Variants in REV3L observed in about 807,000 individuals in gnomAD.
The protein encoded by REV3L is DNA polymerase zeta catalytic subunit.
A neutral mutation model predicts 299.4 loss-of-function variants in REV3L; 69 were observed. That is an observed-to-expected ratio of 0.23 (90% CI 0.19 to 0.28). REV3L has a LOEUF of 0.28. Ranked by LOEUF, REV3L falls within the 10% of genes least tolerant of loss-of-function variation. REV3L has a pLI of 1.00. For missense variants in REV3L, 3,128 were observed against 3,693.8 expected, an observed-to-expected ratio of 0.85 and a Z score of 3.97; for synonymous variants, 1,238 against 1,271.4, an observed-to-expected ratio of 0.97 and a Z score of 0.56.
At chr6:111,437,839 T>C (rs1787761254) in intron 1 of REV3L, among the ~76,000 whole-genome samples, 1 of 152,008 alleles carries the variant, frequency 6.6e-6, no homozygotes, top group Non-Finnish European at 1.5e-5. Context: ...GTATGTGAAC[T>C]ACATCTCAAT....
intron 1 of REV3L, among the ~76,000 whole-genome samples, chr6:111,453,633 TTA>T (rs1789810708): frequency 6.6e-6 from 1 of 152,204 alleles, no homozygotes; most frequent in African/African-American, 2.4e-5. Context: ...GTTATTAATT[TTA>T]GTTAATATTT....
At chr6:111,409,476 G>C (rs551329542) in intron 3 of REV3L, among the ~76,000 whole-genome samples, 1 of 151,916 alleles carries the variant, frequency 6.6e-6, no homozygotes, top group African/African-American at 2.4e-5. Context: ...AATGAAAACA[G>C]TGCAAAAGGA....
chr6:111,338,530 A>T (rs1210111096), intron 21 of REV3L, among the ~76,000 whole-genome samples: 1 of 151,022 alleles, frequency 6.6e-6, no homozygotes, highest in Non-Finnish European at 1.5e-5. Context: ...TATATAATAT[A>T]GTTAATATAC....
At chr6:111,422,649 C>CACATATATATATATATACGT (rs1554228646) in intron 1 of REV3L, among the ~76,000 whole-genome samples, 3 of 22,502 alleles carry the variant, frequency 1.3e-4, no homozygotes, top group Admixed American at 6.2e-4. Context: ...TATATATATA[C>CACATATATATATATATACGT]ATATATATAT....
chr6:111,318,470 C>A (rs1002053722), intron 26 of REV3L, among the ~76,000 whole-genome samples: 3 of 152,110 alleles, frequency 2.0e-5, no homozygotes, highest in African/African-American at 7.2e-5. Flanking sequence ...AGTGGAATCA[C>A]TGGGTCATAT....
intron 1 of REV3L, among the ~76,000 whole-genome samples, chr6:111,461,464 T>C (rs1297908817): frequency 6.6e-6 from 1 of 152,068 alleles, no homozygotes; most frequent in Non-Finnish European, 1.5e-5. Context: ...AAGTAAAAGT[T>C]ACAGTAAGGT....
At chr6:111,434,550 CG>C (rs1787325864) in intron 1 of REV3L, among the ~76,000 whole-genome samples, 1 of 150,084 alleles carries the variant, frequency 6.7e-6, no homozygotes, top group Admixed American at 6.6e-5. Flanking sequence ...ACCCGGGAAG[CG>C]GAGCTTGCAG....
intron 24 of REV3L, 47 bp from the exon 25 acceptor site, chr6:111,329,785 T>C: frequency 7.2e-7 from 1 of 1,384,906 alleles, no homozygotes; most frequent in South Asian, 1.2e-5. Context: ...ACATTATAGA[T>C]TTACATAATT....
chr6:111,332,743 ATTT>A (rs1775524350), intron 23 of REV3L, among the ~76,000 whole-genome samples: 1 of 152,248 alleles, frequency 6.6e-6, no homozygotes, highest in Non-Finnish European at 1.5e-5. Context: ...ATCCTGGACT[ATTT>A]ATAAGAAAAA....
intron 31 of REV3L, among the ~76,000 whole-genome samples, chr6:111,306,441 A>G (rs1772311468): frequency 6.6e-6 from 1 of 152,178 alleles, no homozygotes. Context: ...ATGACTTATC[A>G]ACAATAAGGA....
chr6:111,305,909 T>G (rs1191982799), intron 31 of REV3L, among the ~76,000 whole-genome samples: 3 of 152,234 alleles, frequency 2.0e-5, no homozygotes, highest in Non-Finnish European at 4.4e-5. Flanking sequence ...GTGGTTGTAC[T>G]GACTAGAACC....
At chr6:111,413,368 G>T (rs1177420131) in intron 2 of REV3L, among the ~76,000 whole-genome samples, 2 of 152,066 alleles carry the variant, frequency 1.3e-5, no homozygotes, top group Non-Finnish European at 2.9e-5. Flanking sequence ...AGTTTTTTAA[G>T]TATATCAATA....
At chr6:111,388,184 T>G in intron 7 of REV3L, 99 bp from the exon 8 acceptor site, 1 of 747,298 alleles carries the variant, frequency 1.3e-6, no homozygotes, top group South Asian at 1.7e-5. Context: ...CAATTTCCTA[T>G]CTTTCTCTAG....
At chr6:111,320,393 T>TTACCTATTATCCCAAGAGCAGTGTTTCTC (rs1774020749) in intron 26 of REV3L, among the ~76,000 whole-genome samples, 1 of 152,156 alleles carries the variant, frequency 6.6e-6, no homozygotes, top group Non-Finnish European at 1.5e-5. Context: ...CCACCAGGCA[T>TTACCTATTATCCCAAGAGCAGTGTTTCTC]TACCTATTAT....
chr6:111,441,280 T>A (rs117030101), intron 1 of REV3L, among the ~76,000 whole-genome samples: 3,618 of 152,250 alleles, frequency 0.024, 60 homozygotes, highest in Admixed American at 0.065. Context: ...TGAGACAGGG[T>A]CTCGCTCTGT....
rs188687597 is a variant in REV3L at position 111,382,738 on chromosome 6, G to A, written c.1097-1294C>T. Among the ~76,000 whole-genome samples the A allele has an allele frequency of 1.2e-3, 181 of 152,274 alleles. 3 individuals are homozygous for A. Among genetic ancestry groups the A allele is most frequent in the Middle Eastern group, 6.8e-3 (2 of 294 alleles). ...GAGCCAGTAGACTTGGGGTACACGC[G>A]CCTGGTGAGAGAGTAGCTGGGGCAG... On this transcript the variant is annotated intron_variant, in intron 9 of 31. Transcript: ENST00000368802.
intron 1 of REV3L, among the ~76,000 whole-genome samples, chr6:111,439,831 C>T (rs867042374): frequency 6.6e-6 from 1 of 152,040 alleles, no homozygotes; most frequent in Non-Finnish European, 1.5e-5. Flanking sequence ...TGAGATGCAC[C>T]GAAAACAGAA....
intron 9 of REV3L, among the ~76,000 whole-genome samples, chr6:111,383,193 C>A (rs1184708209): frequency 1.3e-5 from 2 of 152,166 alleles, no homozygotes; most frequent in Non-Finnish European, 2.9e-5. Flanking sequence ...AAATTGAAAG[C>A]CCGTTCTCTA....
chr6:111,374,348 A>C lies in REV3L; in HGVS notation c.4007T>G (p.Val1336Gly). 2.5e-6 allele frequency: 4 copies of C among 1,614,026 alleles called. No homozygotes were observed. Among genetic ancestry groups the C allele is most frequent in the Non-Finnish European group, 3.4e-6 (4 of 1,179,940 alleles). The stretch of plus-strand genomic sequence containing the variant: ...AGCACTTTGATTATGAGGCCTTTGA[A>C]CATTAATTTTTGAGACTCCAGGTCC... ...SIGPGVSKIN[V>G]QRPHNQSAMF... Residue 1336 changes from valine (V) to glycine (G), a missense_variant, in exon 13 of 32, where the codon GTT becomes GGT. Val to Gly is a moderately radical substitution (Grantham distance 109). Transcript: ENST00000368802.
Sources: gnomAD v4.1 joint callset for allele counts (sites outside exome capture counted in the v4.1 genomes callset) on GRCh38, gnomAD v4.1.1 for gene constraint, MANE v1.5 for transcripts, NCBI Gene and HGNC (gene_info 2026-07-23, HGNC 2026-07-21) for gene names.